SYNE2: variants seen among roughly 807,000 people sequenced by gnomAD.
SYNE2 encodes spectrin repeat containing nuclear envelope protein 2.
SYNE2 carries 431 observed loss-of-function variants against 856.3 expected under a neutral mutation model. The ratio of observed to expected loss-of-function variants is 0.50; its 90% CI spans 0.47 to 0.55. SYNE2 has a LOEUF of 0.55. Among genes scored for constraint, SYNE2 ranks in the 20% least tolerant of loss-of-function variants. SYNE2 has a pLI of 0.00. For synonymous variants in SYNE2, 2,923 were observed against 2,872.3 expected (o/e 1.02, Z -0.56); for missense variants, 8,129 against 8,023.2 (o/e 1.01, Z -0.50).
intron 99 of SYNE2, 68 bp downstream of exon 99, chr14:64,190,305 AC>A (rs2098512186): frequency 1.3e-6 from 2 of 1,593,904 alleles, no homozygotes; most frequent in African/African-American, 2.7e-5. Context: ...AGTAAACTGA[AC>A]CCAGTCTTCC....
At chr14:64,117,423 C>T (rs140353319) in intron 66 of SYNE2, among the ~76,000 whole-genome samples, 43 of 152,204 alleles carry the variant, frequency 2.8e-4, no homozygotes, top group African/African-American at 7.9e-4. Context: ...CCCCAGTCTC[C>T]GGAATAGCTG....
chr14:64,173,098 G>A (rs934911901), intron 94 of SYNE2, among the ~76,000 whole-genome samples: 12 of 152,152 alleles, frequency 7.9e-5, no homozygotes, highest in Non-Finnish European at 1.0e-4. Context: ...GGTGAGTCCG[G>A]GTCTTAGGCA....
chr14:64,136,985 C>T (rs2098097682), intron 78 of SYNE2, among the ~76,000 whole-genome samples: 1 of 152,130 alleles, frequency 6.6e-6, no homozygotes, highest in African/African-American at 2.4e-5. Flanking sequence ...CCGCCCTTTG[C>T]CACATGAGAT....
Position 64,126,782 on chromosome 14 carries a change from G to A in SYNE2, c.13892G>A (p.Gly4631Asp). 1 of 1,612,942 alleles carries A rather than the reference G, an allele frequency of 6.2e-7. No individual in the cohort carries two copies. The highest frequency in any genetic ancestry group is 1.7e-5 in the Admixed American group (1 of 60,018). ...TGTAGAAGCAAGTCCCTGAAAGCTG[G>A]CCTCGATTACAACCGCAGTTACCAG... ...AVCRSKSLKA[G>D]LDYNRSYQNE... Residue 4631 changes from glycine to aspartate, a missense_variant, in exon 73 of 116, where the codon GGC becomes GAC. Gly to Asp is a moderately conservative substitution (Grantham distance 94). Coordinates refer to ENST00000555002, the MANE Select transcript of SYNE2 (RefSeq NM_182914.3).
chr14:63,819,552 T>C (rs1227084055), intron 1 of SYNE2, among the ~76,000 whole-genome samples: 2 of 151,572 alleles, frequency 1.3e-5, no homozygotes, highest in African/African-American at 2.4e-5. Context: ...TTTTTTTTTT[T>C]TTGAGACAGA....
chr14:63,888,218 A>G (rs2095043390), intron 1 of SYNE2, among the ~76,000 whole-genome samples: 2 of 152,192 alleles, frequency 1.3e-5, no homozygotes, highest in South Asian at 4.1e-4. Flanking sequence ...CGGGCCTGCT[A>G]AGCCACCAGT....
chr14:64,158,545 T>C (rs2098303965), intron 85 of SYNE2, 80 bp from the exon 86 acceptor site: 3 of 1,494,068 alleles, frequency 2.0e-6, no homozygotes, highest in Non-Finnish European at 2.8e-6. Flanking sequence ...AATGCCTAAA[T>C]TGGACACAAT....
At chr14:64,162,327 G>T (rs370569419) in intron 88 of SYNE2, 51 bp downstream of exon 88, 4 of 1,577,814 alleles carry the variant, frequency 2.5e-6, no homozygotes, top group African/African-American at 2.7e-5. Context: ...CCCAACAGAT[G>T]GGGTAAGGGA....
chr14:64,215,894 T>G, intron 107 of SYNE2: 1 of 1,248,410 alleles, frequency 8.0e-7, no homozygotes, highest in Non-Finnish European at 1.0e-6. Context: ...CCCAAGTCCA[T>G]CTTGATGTTC....
chr14:63,976,467 A>G (rs2096543394), intron 11 of SYNE2, 96 bp from the exon 12 acceptor site: 1 of 1,346,060 alleles, frequency 7.4e-7, no homozygotes, highest in Non-Finnish European at 1.0e-6. Flanking sequence ...CTTGGCTTCC[A>G]GAGAAACTTC....
Position 63,761,915 on chromosome 14 carries a change from G to A in SYNE2, c.-376G>A, listed in dbSNP as rs931964740. On this transcript the variant is annotated 5_prime_UTR_variant, in exon 1 of 24. Coordinates refer to the SYNE2 transcript ENST00000674003. Reference sequence around the variant, plus strand: ...GCGGCAGCTGCAGGACCGCCGTGACGACCAGAGTAGCGACCCGCGGGGAGC... The same window carrying A: ...GCGGCAGCTGCAGGACCGCCGTGACAACCAGAGTAGCGACCCGCGGGGAGC... 1.3e-5 allele frequency: 3 copies of A among 237,842 alleles called. No individual in the cohort carries two copies. The Admixed American group carries it at 1.4e-4, about 11-fold the overall frequency. The allele number at this position is 237,842 out of a possible 1,614,324, so 14.7% of individuals were successfully genotyped here. A position where few individuals can be genotyped will look rare whatever the true frequency, so the allele number is the denominator to read the frequency against.
intron 37 of SYNE2, among the ~76,000 whole-genome samples, chr14:64,022,338 GT>G (rs1375011587): frequency 6.6e-6 from 1 of 152,192 alleles, no homozygotes; most frequent in Non-Finnish European, 1.5e-5. Context: ...TCCAGGCAGT[GT>G]CTTTGAGTGT....
intron 45 of SYNE2, among the ~76,000 whole-genome samples, chr14:64,037,372 G>A (rs1213757933): frequency 1.3e-5 from 2 of 150,926 alleles, no homozygotes. Context: ...GTTTAACAAA[G>A]CACATCTTGC....
chr14:64,097,026 C>CA (rs1036599993), intron 61 of SYNE2, among the ~76,000 whole-genome samples: 12 of 152,162 alleles, frequency 7.9e-5, no homozygotes, highest in African/African-American at 2.7e-4. Flanking sequence ...TGACATCTCT[C>CA]AGAGGTGCTA....
At chr14:63,948,690 G>GTGTA (rs1397844441) in intron 6 of SYNE2, among the ~76,000 whole-genome samples, 4 of 106,598 alleles carry the variant, frequency 3.8e-5, no homozygotes, top group Non-Finnish European at 5.9e-5. Context: ...ATATATGTGT[G>GTGTA]TATATATATA....
At chr14:64,058,508 A>G (rs1595202388) in intron 49 of SYNE2, among the ~76,000 whole-genome samples, 1 of 152,054 alleles carries the variant, frequency 6.6e-6, no homozygotes. Context: ...CTTTTTTGAG[A>G]CAGAATCTCA....
intron 50 of SYNE2, among the ~76,000 whole-genome samples, chr14:64,063,196 C>T (rs543869162): frequency 2.0e-5 from 3 of 152,174 alleles, no homozygotes; most frequent in Admixed American, 6.5e-5. Flanking sequence ...TTACAGTGCC[C>T]GCCACCATGC....
chr14:63,804,347 G>A (rs1888275871), intron 1 of SYNE2, among the ~76,000 whole-genome samples: 1 of 151,690 alleles, frequency 6.6e-6, no homozygotes, highest in Non-Finnish European at 1.5e-5. Flanking sequence ...TTCTTTTGCT[G>A]TGCAGAAGCT....
At chr14:63,864,102 G>T (rs1021377539) in intron 1 of SYNE2, among the ~76,000 whole-genome samples, 1 of 152,136 alleles carries the variant, frequency 6.6e-6, no homozygotes, top group South Asian at 2.1e-4. Context: ...TGTGAGCCAC[G>T]GCGCCTGGCC....
Sources: gnomAD v4.1 joint callset for allele counts (sites outside exome capture counted in the v4.1 genomes callset) on GRCh38, gnomAD v4.1.1 for gene constraint, MANE v1.5 for transcripts, NCBI Gene and HGNC (gene_info 2026-07-23, HGNC 2026-07-21) for gene names.